Variants in COL10A1 observed in about 807,000 individuals in gnomAD.
The protein encoded by COL10A1 is collagen alpha-1(X) chain.
In COL10A1, 10 loss-of-function variants were observed where a neutral mutation model predicts 18.2. The ratio of observed to expected loss-of-function variants is 0.55; its 90% CI spans 0.34 to 0.93. The LOEUF (loss-of-function observed/expected upper bound fraction) is 0.93, where lower values mean the gene tolerates loss of function less well. Among genes scored for constraint, COL10A1 ranks in the 40% least tolerant of loss-of-function variants. COL10A1 has a pLI of 0.02. For missense variants in COL10A1, 897 were observed against 853.5 expected, an observed-to-expected ratio of 1.05 and a Z score of -0.64; for synonymous variants, 330 against 316.6, an observed-to-expected ratio of 1.04 and a Z score of -0.45.
chr6:116,176,173 C>T, the COL10A1 span, among the ~76,000 whole-genome samples: 1 of 152,148 alleles, frequency 6.6e-6, no homozygotes, highest in Non-Finnish European at 1.5e-5. Flanking sequence ...TCAAATTCTT[C>T]TAGTGCTAGA....
In COL10A1 at chr6:116,125,423, G is replaced by A. The variant is rs199808053; in HGVS notation, c.70C>T (p.Arg24Ter). The change falls in exon 2 of 3, where the codon CGA becomes TGA. Residue 24 changes from arginine (R) to a stop codon, truncating the protein, a stop_gained. Coordinates refer to ENST00000651968, the MANE Select transcript of COL10A1 (RefSeq NM_000493.4). LOFTEE classifies it high-confidence loss of function. ...NLVHGVFYAE[R>*]YQMPTGIKGP... is the part of the protein sequence containing the mutation. ...TTTATGCCTGTGGGCATTTGGTATC[G>A]TTCAGCGTAAAACACTCCATGAACC... 154 of 1,613,656 alleles carry A rather than the reference G, an allele frequency of 9.5e-5. No individual in the cohort carries two copies. Among genetic ancestry groups the A allele is most frequent in the South Asian group, 3.6e-4 (33 of 91,068 alleles).
upstream of COL10A1, chr6:116,126,280 TC>T (rs1215931787): frequency 6.6e-6 from 1 of 152,170 alleles, no homozygotes; most frequent in Non-Finnish European, 1.5e-5. Context: ...CGGGCTGGGC[TC>T]TCCTTTTCCT....
chr6:116,135,570 A>G (rs1409527760), intron 1 of COL10A1, among the ~76,000 whole-genome samples: 2 of 151,724 alleles, frequency 1.3e-5, no homozygotes, highest in Non-Finnish European at 2.9e-5. Flanking sequence ...TACTTGATGA[A>G]CAATATAACT....
the COL10A1 span, among the ~76,000 whole-genome samples, chr6:116,169,202 TA>T: frequency 6.6e-6 from 1 of 152,224 alleles, no homozygotes; most frequent in Non-Finnish European, 1.5e-5. Context: ...CTTGACCTCT[TA>T]AATCTTCATT....
At chr6:116,147,698 A>G (rs1192021397) in intron 1 of COL10A1, among the ~76,000 whole-genome samples, 1 of 152,204 alleles carries the variant, frequency 6.6e-6, no homozygotes, top group East Asian at 1.9e-4. Flanking sequence ...AACTTTAAAA[A>G]TGTTAAATGC....
the COL10A1 span, among the ~76,000 whole-genome samples, chr6:116,215,263 CATG>C: frequency 1.3e-5 from 2 of 152,124 alleles, no homozygotes; most frequent in Non-Finnish European, 2.9e-5. Flanking sequence ...TTTCCAGAAA[CATG>C]ATATCAAAAG....
rs891380709 is a variant in COL10A1 at position 116,119,362 on chromosome 6, G to C, written c.*711C>G. The C allele has an allele frequency of 6.6e-6, 1 of 152,358 alleles. No individual in the cohort carries two copies. The highest frequency in any genetic ancestry group is 1.5e-5 in the Non-Finnish European group (1 of 68,044). 9.4% of individuals were successfully genotyped at this position (152,358 alleles called of 1,614,324 possible). A position where few individuals can be genotyped will look rare whatever the true frequency, so the allele number is the denominator to read the frequency against. ...CAGATACCTGTTTCCAAGTTATGCTGGGTATATAAAAAGCTTCTCTGCAAT... is the reference window on the plus strand; with the variant it reads ...CAGATACCTGTTTCCAAGTTATGCTCGGTATATAAAAAGCTTCTCTGCAAT... On this transcript the variant is annotated 3_prime_UTR_variant, in exon 3 of 3. Transcript: ENST00000651968.
chr6:116,203,278 T>C, the COL10A1 span, among the ~76,000 whole-genome samples: 1 of 151,992 alleles, frequency 6.6e-6, no homozygotes, highest in Non-Finnish European at 1.5e-5. Context: ...GAAACTATTA[T>C]GTCAGTTCTT....
At chr6:116,169,360 T>C in the COL10A1 span, among the ~76,000 whole-genome samples, 2 of 152,222 alleles carry the variant, frequency 1.3e-5, no homozygotes, top group African/African-American at 2.4e-5. Context: ...ATTTAAAAAA[T>C]GAAAACATGT....
At chr6:116,205,102 C>T in the COL10A1 span, among the ~76,000 whole-genome samples, 1 of 151,888 alleles carries the variant, frequency 6.6e-6, no homozygotes, top group Non-Finnish European at 1.5e-5. Flanking sequence ...TTCATGGGTT[C>T]TTAGTTTCTG....
At chr6:116,152,408 G>GAA (rs576268261) in intron 1 of COL10A1, among the ~76,000 whole-genome samples, 2 of 151,048 alleles carry the variant, frequency 1.3e-5, no homozygotes, top group Non-Finnish European at 1.5e-5. Flanking sequence ...TCAAAAATAA[G>GAA]AAAAAAAAAT....
chr6:116,152,003 T>C (rs972952458), intron 1 of COL10A1, among the ~76,000 whole-genome samples: 1 of 152,200 alleles, frequency 6.6e-6, no homozygotes, highest in Non-Finnish European at 1.5e-5. Flanking sequence ...ATGACTAAGC[T>C]AATTGACTAA....
the COL10A1 span, among the ~76,000 whole-genome samples, chr6:116,186,911 C>T: frequency 2.6e-5 from 4 of 151,976 alleles, no homozygotes; most frequent in Admixed American, 2.0e-4. Context: ...TGCTGGTGAG[C>T]TAGTGTTATC....
At chr6:116,169,065 T>C in the COL10A1 span, among the ~76,000 whole-genome samples, 1 of 152,222 alleles carries the variant, frequency 6.6e-6, no homozygotes, top group Non-Finnish European at 1.5e-5. Flanking sequence ...CCTCCAAGCC[T>C]CTTGAAGATT....
chr6:116,151,683 A>G (rs1780042998), intron 1 of COL10A1, among the ~76,000 whole-genome samples: 1 of 152,186 alleles, frequency 6.6e-6, no homozygotes, highest in African/African-American at 2.4e-5. Context: ...TAGAAACCAT[A>G]ATTTTATATT....
At chr6:116,130,483 G>A (rs1314288775), upstream of COL10A1, among the ~76,000 whole-genome samples, 1 of 151,392 alleles carries the variant, frequency 6.6e-6, no homozygotes, top group Non-Finnish European at 1.5e-5. Flanking sequence ...CTAATGTTTT[G>A]TACCTTTCGT....
chr6:116,156,078 A>G (rs181833031), intron 1 of COL10A1, among the ~76,000 whole-genome samples: 135 of 152,320 alleles, frequency 8.9e-4, no homozygotes, highest in Middle Eastern at 3.4e-3. Flanking sequence ...TCATGCCATC[A>G]CTTAAAAATC....
At chr6:116,180,251 A>C in the COL10A1 span, among the ~76,000 whole-genome samples, 2 of 152,080 alleles carry the variant, frequency 1.3e-5, no homozygotes, top group Admixed American at 1.3e-4. Context: ...TAGAGGATGC[A>C]AGAGAACCAA....
chr6:116,204,736 T>C, the COL10A1 span, among the ~76,000 whole-genome samples: 1 of 151,956 alleles, frequency 6.6e-6, no homozygotes. Flanking sequence ...GATTGCAATG[T>C]TGTGGTTAAA....
Sources: allele counts gnomAD v4.1 joint callset (sites outside exome capture counted in the v4.1 genomes callset), GRCh38; gene constraint gnomAD v4.1.1; transcripts MANE v1.5; gene names NCBI Gene and HGNC (gene_info 2026-07-23, HGNC 2026-07-21).